The following ST18 variants were observed in gnomAD, a reference collection of about 807,000 sequenced individuals.
The protein encoded by ST18 is suppression of tumorigenicity 18 protein.
ST18 carries 50 observed loss-of-function variants against 110.0 expected under a neutral mutation model. That is an observed-to-expected ratio of 0.45 (90% CI 0.36 to 0.58). The LOEUF (loss-of-function observed/expected upper bound fraction) is 0.58. Ranked by LOEUF, ST18 falls within the 20% of genes least tolerant of loss-of-function variation. The probability of loss-of-function intolerance (pLI) is 0.00; values close to 1 mark genes in which losing one functional copy is unlikely to be tolerated. For missense variants in ST18, 1,306 were observed against 1,280.1 expected (o/e 1.02, Z -0.31); for synonymous variants, 461 against 452.4 (o/e 1.02, Z -0.24).
At chr8:52,389,002 T>C (rs1590608363) in intron 2 of ST18, among the ~76,000 whole-genome samples, 2 of 146,984 alleles carry the variant, frequency 1.4e-5, no homozygotes, top group South Asian at 4.3e-4. Flanking sequence ...AAGCAATACT[T>C]GGTGTCGGCG....
Position 52,149,807 on chromosome 8 carries a change from A to G in ST18, c.1977T>C (p.Ala659=). ...SILVNAAFYQ[A]LCDQEGWDTP... Reference sequence around the variant, plus strand: ...TGTCCCAGCCCTCTTGGTCACAAAGAGCCTGATAGAATGCTGCATTGACCA... The same window carrying G: ...TGTCCCAGCCCTCTTGGTCACAAAGGGCCTGATAGAATGCTGCATTGACCA... Residue 659 remains alanine (A), a synonymous_variant, in exon 16 of 26, where the codon GCT becomes GCC. Coordinates refer to ENST00000689386, the MANE Select transcript of ST18 (RefSeq NM_001352837.2). The G allele has an allele frequency of 1.2e-6, 2 of 1,614,204 alleles. No homozygotes were observed. The highest frequency in any genetic ancestry group is 1.7e-6 in the Non-Finnish European group (2 of 1,180,022).
chr8:52,199,618 T>A (rs527708873), intron 8 of ST18: 19 of 152,324 alleles, frequency 1.2e-4, no homozygotes, highest in African/African-American at 3.8e-4. Flanking sequence ...AGCTTAATTT[T>A]GATATATGAT....
chr8:52,287,055 A>T (rs2095482723), intron 2 of ST18, among the ~76,000 whole-genome samples: 1 of 152,216 alleles, frequency 6.6e-6, no homozygotes, highest in African/African-American at 2.4e-5. Context: ...TTTTTATACA[A>T]AGACTGTTCC....
chr8:52,134,568 T>A (rs55839958), intron 19 of ST18, among the ~76,000 whole-genome samples: 9,172 of 151,968 alleles, frequency 0.06, 400 homozygotes, highest in Non-Finnish European at 0.092. Flanking sequence ...AATGCATTTA[T>A]ATTCAAGCCT....
intron 7 of ST18, among the ~76,000 whole-genome samples, chr8:52,213,091 A>G (rs756290236): frequency 6.6e-6 from 1 of 152,228 alleles, no homozygotes; most frequent in African/African-American, 2.4e-5. Flanking sequence ...ATTAGGATAT[A>G]TAACATGGTT....
At chr8:52,143,373 T>C (rs1242602785) in intron 16 of ST18, among the ~76,000 whole-genome samples, 2 of 151,992 alleles carry the variant, frequency 1.3e-5, no homozygotes, top group Non-Finnish European at 2.9e-5. Flanking sequence ...TAGTCCCAGT[T>C]ACTCAGGAGG....
At chr8:52,170,299 T>G (rs1016681225) in intron 10 of ST18, among the ~76,000 whole-genome samples, 1 of 151,960 alleles carries the variant, frequency 6.6e-6, no homozygotes, top group Non-Finnish European at 1.5e-5. Flanking sequence ...CTACTGAAAA[T>G]ACAAAAATTA....
intron 2 of ST18, among the ~76,000 whole-genome samples, chr8:52,307,131 C>T (rs1170844174): frequency 2.0e-5 from 3 of 151,666 alleles, no homozygotes; most frequent in South Asian, 2.1e-4. Context: ...CCAACCTGGG[C>T]GGCATAGTGG....
rs540643510 is a variant in ST18 at position 52,361,689 on chromosome 8, C to T, written c.-465+47639G>A. On this transcript the variant is annotated intron_variant, in intron 2 of 25. Coordinates refer to ENST00000689386, the MANE Select transcript of ST18 (RefSeq NM_001352837.2). ...CTTAATCTTTTGCATCACAGCTAAA[C>T]GATGCTAAGAAACATTAAGGAGGCT... Among the ~76,000 whole-genome samples the T allele has an allele frequency of 7.9e-5, 12 of 152,132 alleles. No individual in the cohort carries two copies. In the East Asian group the frequency reaches 2.1e-3, roughly 27 times the overall value.
chr8:52,289,834 T>C (rs1007252046), intron 2 of ST18, among the ~76,000 whole-genome samples: 5 of 152,100 alleles, frequency 3.3e-5, no homozygotes, highest in African/African-American at 9.7e-5. Context: ...GAAAGGTAGA[T>C]ACTCATATCT....
chr8:52,316,552 T>C lies in ST18; in HGVS notation c.-464-86475A>G, dbSNP rs1351590207. 7.0e-4 allele frequency among the ~76,000 whole-genome samples: 106 copies of C among 152,248 alleles called. 2 individuals are homozygous for C. The highest frequency in any genetic ancestry group is 2.5e-4 in the Non-Finnish European group (17 of 68,036). On this transcript the variant is annotated intron_variant, in intron 2 of 25. Coordinates refer to ENST00000689386, the MANE Select transcript of ST18 (RefSeq NM_001352837.2). Reference sequence around the variant, plus strand: ...TTTTATGAACTTCATTACTTTGTTATAGTTTTGTCCATAAGGATGATGGTT... The same window carrying C: ...TTTTATGAACTTCATTACTTTGTTACAGTTTTGTCCATAAGGATGATGGTT...
At chr8:52,263,318 C>G (rs779259917) in intron 2 of ST18, among the ~76,000 whole-genome samples, 3 of 152,130 alleles carry the variant, frequency 2.0e-5, no homozygotes, top group Non-Finnish European at 4.4e-5. Context: ...AACAAGCTAC[C>G]TACATAATCC....
chr8:52,268,115 T>G (rs988210319), intron 2 of ST18, among the ~76,000 whole-genome samples: 1 of 152,242 alleles, frequency 6.6e-6, no homozygotes, highest in African/African-American at 2.4e-5. Flanking sequence ...GAGAGCATTT[T>G]GGTCCAGTGT....
chr8:52,402,884 T>A (rs527256693), intron 2 of ST18, among the ~76,000 whole-genome samples: 51 of 152,262 alleles, frequency 3.3e-4, no homozygotes, highest in African/African-American at 1.1e-3. Context: ...GGGGCCAGTA[T>A]ACCACATCAG....
chr8:52,201,048 G>A (rs576048819), intron 8 of ST18: 5 of 152,396 alleles, frequency 3.3e-5, no homozygotes, highest in African/African-American at 1.2e-4. Flanking sequence ...CACCAAAGAG[G>A]ATCAAGGACG....
At chr8:52,377,516 A>C (rs940555196) in intron 2 of ST18, among the ~76,000 whole-genome samples, 1 of 152,210 alleles carries the variant, frequency 6.6e-6, no homozygotes. Context: ...CAGCATCACT[A>C]ATCATCAGAG....
chr8:52,320,182 T>C (rs1803260775), intron 2 of ST18, among the ~76,000 whole-genome samples: 1 of 152,212 alleles, frequency 6.6e-6, no homozygotes, highest in South Asian at 2.1e-4. Flanking sequence ...GAAACATTTG[T>C]GTGGTTTGCT....
At chr8:52,202,788 T>C (rs1003696821) in intron 8 of ST18, among the ~76,000 whole-genome samples, 13 of 152,098 alleles carry the variant, frequency 8.5e-5, no homozygotes, top group African/African-American at 2.9e-4. Context: ...AAATCAGAAG[T>C]AGCATTAGGT....
chr8:52,239,467 T>G (rs2093146898), intron 2 of ST18, among the ~76,000 whole-genome samples: 1 of 152,162 alleles, frequency 6.6e-6, no homozygotes, highest in African/African-American at 2.4e-5. Flanking sequence ...CTTTGAGTGC[T>G]GGCATCACAC....
Sources: gnomAD v4.1 joint callset for allele counts (sites outside exome capture counted in the v4.1 genomes callset) on GRCh38, gnomAD v4.1.1 for gene constraint, MANE v1.5 for transcripts, NCBI Gene and HGNC (gene_info 2026-07-23, HGNC 2026-07-21) for gene names.